The following SAMD8 variants were observed in gnomAD, a reference collection of about 807,000 sequenced individuals.
The protein encoded by SAMD8 is sterile alpha motif domain containing 8, also known as sphingomyelin synthase-related protein 1.
In SAMD8, 20 loss-of-function variants were observed where a neutral mutation model predicts 42.0. That is an observed-to-expected ratio of 0.48 (90% CI 0.34 to 0.69). The LOEUF is 0.69. SAMD8 is among the 30% of genes least tolerant of loss of function. The pLI is 0.01. For missense variants in SAMD8, 328 were observed against 511.6 expected, an observed-to-expected ratio of 0.64 and a Z score of 3.46; for synonymous variants, 162 against 173.0, an observed-to-expected ratio of 0.94 and a Z score of 0.50.
At chr10:75,109,529 G>C (rs116966751), upstream of SAMD8, among the ~76,000 whole-genome samples, 1,224 of 152,322 alleles carry the variant, frequency 8.0e-3, 4 homozygotes, top group Non-Finnish European at 0.014. Context: ...GTAGAGCCCT[G>C]CCTAAGGCTA....
intron 1 of SAMD8, chr10:75,105,639 G>A: frequency 6.5e-7 from 1 of 1,544,390 alleles, no homozygotes; most frequent in Non-Finnish European, 8.7e-7. Context: ...ACCACATCCA[G>A]CTTTGCCCCC....
chr10:75,107,860 A>C, upstream of SAMD8: 1 of 1,127,212 alleles, frequency 8.9e-7, no homozygotes, highest in South Asian at 1.6e-5. Flanking sequence ...TACAAGCATG[A>C]GCCACCACAC....
In SAMD8 at chr10:75,155,266, G is replaced by C. The variant is rs140044010; in HGVS notation, c.578+4160G>C. Among the ~76,000 whole-genome samples, 758 of 152,264 alleles carry C rather than the reference G, an allele frequency of 5.0e-3. 4 individuals are homozygous for C. The highest frequency in any genetic ancestry group is 0.017 in the African/African-American group (723 of 41,546). On this transcript the variant is annotated intron_variant, in intron 2 of 5. Transcript: ENST00000542569. The stretch of plus-strand genomic sequence containing the variant: ...TACAGAGATGGGAAAACTGTGGAAG[G>C]AGCTGACTTGGAGGGAAAATTAAGG...
intron 2 of SAMD8, among the ~76,000 whole-genome samples, chr10:75,161,531 G>C (rs1840557840): frequency 6.6e-6 from 1 of 151,354 alleles, no homozygotes; most frequent in African/African-American, 2.4e-5. Flanking sequence ...CCAGACGTCT[G>C]AGAAAAACAT....
At chr10:75,109,855 T>C (rs940266731), upstream of SAMD8, among the ~76,000 whole-genome samples, 1 of 141,454 alleles carries the variant, frequency 7.1e-6, no homozygotes, top group African/African-American at 2.6e-5. Context: ...TCTCACTCTG[T>C]CACCCAGGCT....
chr10:75,106,494 C>T (rs533163190), intron 1 of SAMD8, among the ~76,000 whole-genome samples: 1 of 152,298 alleles, frequency 6.6e-6, no homozygotes, highest in Non-Finnish European at 1.5e-5. Flanking sequence ...GCTTTCTTGA[C>T]CGCTCAAAGT....
chr10:75,151,931 C>T (rs1192702651), intron 2 of SAMD8, among the ~76,000 whole-genome samples: 2 of 152,072 alleles, frequency 1.3e-5, no homozygotes, highest in South Asian at 2.1e-4. Flanking sequence ...TCAGGCAGTC[C>T]GCCTACCTCG....
upstream of SAMD8, among the ~76,000 whole-genome samples, chr10:75,109,818 T>TTTTTTGTTTTG (rs1554856163): frequency 1.4e-4 from 21 of 150,084 alleles, no homozygotes; most frequent in African/African-American, 3.2e-4. Context: ...AAGGTGTTTT[T>TTTTTTGTTTTG]TTTTGTTTTG....
At chr10:75,154,376 GA>G (rs1840363519) in intron 2 of SAMD8, among the ~76,000 whole-genome samples, 2 of 152,172 alleles carry the variant, frequency 1.3e-5, no homozygotes, top group Non-Finnish European at 2.9e-5. Flanking sequence ...AGACCACTAG[GA>G]AGTAAGGAAG....
At chr10:75,107,584 T>C (rs1010008971), upstream of SAMD8, among the ~76,000 whole-genome samples, 2 of 151,964 alleles carry the variant, frequency 1.3e-5, no homozygotes, top group Non-Finnish European at 2.9e-5. Context: ...AGGACTTTTT[T>C]TTGGCGGGGG....
At chr10:75,164,453 A>G (rs1462864522) in intron 2 of SAMD8, 192 bp from the exon 3 acceptor site, 1 of 957,896 alleles carries the variant, frequency 1.0e-6, no homozygotes, top group East Asian at 1.2e-4. Flanking sequence ...TGGACAAGAA[A>G]CAGGTTCCGA....
intron 1 of SAMD8, among the ~76,000 whole-genome samples, chr10:75,131,971 G>A (rs1235371760): frequency 6.6e-6 from 1 of 152,192 alleles, no homozygotes; most frequent in Admixed American, 6.5e-5. Flanking sequence ...ATGAGGCATG[G>A]ACATTGATAC....
chr10:75,129,601 C>G (rs564659848), intron 1 of SAMD8, among the ~76,000 whole-genome samples: 1 of 152,190 alleles, frequency 6.6e-6, no homozygotes, highest in East Asian at 1.9e-4. Flanking sequence ...TTGAATTTGT[C>G]ATCTACGTAG....
chr10:75,164,795 C>A, intron 3 of SAMD8, 55 bp downstream of exon 3: 4 of 1,245,362 alleles, frequency 3.2e-6, no homozygotes, highest in South Asian at 1.2e-5. Context: ...GTATCAAGAT[C>A]ATAAAATCTT....
intron 1 of SAMD8, among the ~76,000 whole-genome samples, chr10:75,122,457 T>A (rs989607859): frequency 2.7e-5 from 4 of 149,862 alleles, no homozygotes; most frequent in Non-Finnish European, 5.9e-5. Context: ...AGAAAAAAAA[T>A]AGAAAAATTA....
At chr10:75,111,327 C>T (rs1431161089), upstream of SAMD8, 3 of 394,736 alleles carry the variant, frequency 7.6e-6, no homozygotes, top group East Asian at 1.2e-4. Context: ...CCGCTTCCTC[C>T]TGTCGCTTTG....
intron 3 of SAMD8, 52 bp from the exon 4 acceptor site, chr10:75,168,489 T>G: frequency 6.3e-7 from 1 of 1,592,622 alleles, no homozygotes; most frequent in Admixed American, 1.7e-5. Flanking sequence ...GCCTGGGGTT[T>G]TTTGGTTTGT....
At position 75,161,313 on chromosome 10, in the gene SAMD8, TC is replaced by T. The variant is rs1840552500; in HGVS notation, c.579-3330del. 9.9e-5 allele frequency among the ~76,000 whole-genome samples: 15 copies of T among 152,192 alleles called. No homozygotes were observed. The South Asian group carries it at 3.1e-3, about 32-fold the overall frequency. On this transcript the variant is annotated intron_variant, in intron 2 of 5. Coordinates refer to ENST00000542569, the MANE Select transcript of SAMD8 (RefSeq NM_001174156.2). ...CTCCCCTCCTACCCAACCCCAGCCTTCCAAGAAGGGTAAGATTCCTTTCCTT... is the reference window on the plus strand; with the variant it reads ...CTCCCCTCCTACCCAACCCCAGCCTTCAAGAAGGGTAAGATTCCTTTCCTT...
At chr10:75,163,216 T>G (rs1473164336) in intron 2 of SAMD8, among the ~76,000 whole-genome samples, 1 of 152,230 alleles carries the variant, frequency 6.6e-6, no homozygotes, top group African/African-American at 2.4e-5. Context: ...TGAGCCACCG[T>G]GCCCAGCCAT....
Sources: allele counts gnomAD v4.1 joint callset (sites outside exome capture counted in the v4.1 genomes callset), GRCh38; gene constraint gnomAD v4.1.1; transcripts MANE v1.5; gene names NCBI Gene and HGNC (gene_info 2026-07-23, HGNC 2026-07-21).